TOMM34: variants seen among roughly 807,000 people sequenced by gnomAD.
TOMM34 encodes the protein translocase of outer mitochondrial membrane 34, also known as mitochondrial import receptor subunit TOM34.
TOMM34 carries 24 observed loss-of-function variants against 37.4 expected under a neutral mutation model. The ratio of observed to expected loss-of-function variants is 0.64; its 90% CI spans 0.46 to 0.90. The LOEUF (loss-of-function observed/expected upper bound fraction) is 0.90, where lower values mean the gene tolerates loss of function less well. TOMM34 is among the 40% of genes least tolerant of loss of function. TOMM34 has a pLI of 0.00. For missense variants in TOMM34, 304 were observed against 375.6 expected (o/e 0.81, Z 1.58); for synonymous variants, 154 against 148.9 (o/e 1.03, Z -0.25).
intron 5 of TOMM34, among the ~76,000 whole-genome samples, chr20:44,946,843 C>T (rs1268997358): frequency 1.3e-5 from 2 of 152,180 alleles, no homozygotes; most frequent in African/African-American, 4.8e-5. Flanking sequence ...GCAATCACAA[C>T]CAAAAGCTGT....
chr20:44,960,069 TG>T (rs1394569489), intron 1 of TOMM34, 137 bp downstream of exon 1: 6 of 1,375,144 alleles, frequency 4.4e-6, no homozygotes, highest in Non-Finnish European at 5.6e-6. Flanking sequence ...AGGAAGTTTC[TG>T]GTAGGATGCC....
chr20:44,958,278 T>C (rs910200113), intron 1 of TOMM34: 4 of 458,372 alleles, frequency 8.7e-6, no homozygotes, highest in Admixed American at 7.3e-5. Flanking sequence ...CATGTTGATA[T>C]TTGATATCTT....
chr20:44,954,249 T>C (rs1297335522), intron 3 of TOMM34, among the ~76,000 whole-genome samples: 1 of 152,200 alleles, frequency 6.6e-6, no homozygotes, highest in East Asian at 1.9e-4. Context: ...TGTATTGTGC[T>C]TGCCTATTAC....
chr20:44,957,623 T>C (rs1443414946), intron 1 of TOMM34, among the ~76,000 whole-genome samples: 1 of 152,092 alleles, frequency 6.6e-6, no homozygotes, highest in Non-Finnish European at 1.5e-5. Flanking sequence ...CCACTAGATT[T>C]AGCACGTTAT....
At chr20:44,952,114 C>G in intron 3 of TOMM34, 112 bp from the exon 4 acceptor site, 2 of 1,348,464 alleles carry the variant, frequency 1.5e-6, no homozygotes, top group Non-Finnish European at 2.0e-6. Flanking sequence ...AGCTGCCACC[C>G]TCCCCCTGGT....
At chr20:44,959,660 C>T (rs1458719432) in intron 1 of TOMM34, among the ~76,000 whole-genome samples, 1 of 152,128 alleles carries the variant, frequency 6.6e-6, no homozygotes, top group African/African-American at 2.4e-5. Flanking sequence ...GGACCGAAAA[C>T]CTTGTGCGCT....
intron 4 of TOMM34, among the ~76,000 whole-genome samples, chr20:44,949,505 A>C (rs1235158724): frequency 6.6e-6 from 1 of 152,194 alleles, no homozygotes; most frequent in African/African-American, 2.4e-5. Context: ...AAGGAGAGGA[A>C]GCAGAGGGAA....
At chr20:44,951,277 G>A (rs192442948) in intron 4 of TOMM34, among the ~76,000 whole-genome samples, 1 of 152,186 alleles carries the variant, frequency 6.6e-6, no homozygotes, top group Non-Finnish European at 1.5e-5. Context: ...GGGTATGGAT[G>A]TGAGGCCGGG....
intron 3 of TOMM34, 67 bp from the exon 4 acceptor site, chr20:44,952,069 CA>C: frequency 6.5e-7 from 1 of 1,543,458 alleles, no homozygotes; most frequent in Non-Finnish European, 8.7e-7. Flanking sequence ...TCCTTTCACA[CA>C]CCCATGGGAG....
At position 44,960,301 on chromosome 20, in the gene TOMM34, C is replaced by A; in HGVS notation, c.33G>T (p.Glu11Asp). 1 of 1,585,882 alleles carries A rather than the reference C, an allele frequency of 6.3e-7. No homozygotes were observed. Among genetic ancestry groups the A allele is most frequent in the Non-Finnish European group, 8.6e-7 (1 of 1,167,042 alleles). MAPKFPDSVE[E>D]LRAAGNESFR... Reference sequence around the variant, plus strand: ...AACTCTCATTGCCGGCGGCGCGGAGCTCCTCCACAGAGTCTGGGAATTTGG... The same window carrying A: ...AACTCTCATTGCCGGCGGCGCGGAGATCCTCCACAGAGTCTGGGAATTTGG... The change falls in exon 1 of 7, where the codon GAG becomes GAT. Residue 11 changes from glutamate (E) to aspartate (D), a missense_variant. Coordinates refer to ENST00000372813, the MANE Select transcript of TOMM34 (RefSeq NM_006809.5).
rs2067037835 is a variant in TOMM34 at position 44,952,836 on chromosome 20, A to G, written c.381-834T>C. 3 of 615,806 alleles carry G rather than the reference A, an allele frequency of 4.9e-6. No homozygotes were observed. The East Asian group carries it at 8.3e-5, about 17-fold the overall frequency. 38.1% of individuals were successfully genotyped at this position (615,806 alleles called of 1,614,324 possible). ...AAGAATAAAAACCACAGACTGTATC[A>G]CTACAAATTCCAAGATGTCTCTGGC... On this transcript the variant is annotated intron_variant, in intron 3 of 6. Coordinates refer to ENST00000372813, the MANE Select transcript of TOMM34 (RefSeq NM_006809.5).
chr20:44,955,601 C>T, intron 2 of TOMM34: 1 of 460,834 alleles, frequency 2.2e-6, no homozygotes, highest in Non-Finnish European at 4.4e-6. Flanking sequence ...TCCACCTCTG[C>T]TGCTAACTAT....
rs1404603104 is a variant in TOMM34, at chr20:44,956,492, A to T, written c.128-7T>A. 3.1e-6 allele frequency: 5 copies of T among 1,613,958 alleles called. No homozygotes were observed. The Admixed American group carries it at 5.0e-5, about 16-fold the overall frequency. ...TCTTCTGGGTCTGAAGAACCTGCCC[A>T]GATAGAGTGGGGAAGATGATCAGTT... On this transcript the variant is annotated splice_region_variant and splice_polypyrimidine_tract_variant and intron_variant, in intron 1 of 6. Coordinates refer to ENST00000372813, the MANE Select transcript of TOMM34 (RefSeq NM_006809.5).
chr20:44,959,544 T>C (rs2067106967), intron 1 of TOMM34, among the ~76,000 whole-genome samples: 1 of 152,134 alleles, frequency 6.6e-6, no homozygotes. Flanking sequence ...CTAACTGACC[T>C]CATGTCTTCC....
chr20:44,948,784 T>G lies in TOMM34; in HGVS notation c.644A>C (p.Lys215Thr). The G allele has an allele frequency of 6.2e-7, 1 of 1,614,180 alleles. No homozygotes were observed. The highest frequency in any genetic ancestry group is 8.5e-7 in the Non-Finnish European group (1 of 1,180,018). Residue 215 changes from lysine to threonine, a missense_variant, in exon 5 of 7, where the codon AAG (lysine) becomes ACG (threonine). Coordinates refer to ENST00000372813, the MANE Select transcript of TOMM34 (RefSeq NM_006809.5). Reference protein sequence around the residue: ...KKGNHKKAIEKYSESLLCSNL... With the variant: ...KKGNHKKAIETYSESLLCSNL... ...ACTACACAAGAGGCTTTCACTGTAC[T>G]TCTCAATAGCTTTCTTATGGTTTCC...
At chr20:44,956,903 A>G (rs1601150509) in intron 1 of TOMM34, among the ~76,000 whole-genome samples, 2 of 140,466 alleles carry the variant, frequency 1.4e-5, no homozygotes. Context: ...AAAGGGAGGG[A>G]GGGAGGGAAC....
intron 5 of TOMM34, among the ~76,000 whole-genome samples, chr20:44,945,122 C>A (rs567060580): frequency 6.6e-6 from 1 of 152,296 alleles, no homozygotes; most frequent in South Asian, 2.1e-4. Flanking sequence ...ACCTGGCCAA[C>A]CCAACACCTC....
At chr20:44,953,743 A>C (rs1303872936) in intron 3 of TOMM34, among the ~76,000 whole-genome samples, 1 of 151,952 alleles carries the variant, frequency 6.6e-6, no homozygotes, top group Non-Finnish European at 1.5e-5. Context: ...TATACTTCCT[A>C]CATGTCCCCT....
chr20:44,950,080 T>G (rs538974409), intron 4 of TOMM34, among the ~76,000 whole-genome samples: 1 of 152,350 alleles, frequency 6.6e-6, no homozygotes, highest in East Asian at 1.9e-4. Flanking sequence ...TATTACAGTC[T>G]TCTACGAACA....
Sources: allele counts gnomAD v4.1 joint callset (sites outside exome capture counted in the v4.1 genomes callset), GRCh38; gene constraint gnomAD v4.1.1; transcripts MANE v1.5; gene names NCBI Gene and HGNC (gene_info 2026-07-23, HGNC 2026-07-21).